Variants in SORBS2 observed in about 807,000 individuals in gnomAD.
SORBS2 encodes the protein sorbin and SH3 domain containing 2, also known as sorbin and SH3 domain-containing protein 2.
SORBS2 carries 46 observed loss-of-function variants against 97.7 expected under a neutral mutation model. That is an observed-to-expected ratio of 0.47 (90% CI 0.37 to 0.60). The LOEUF (loss-of-function observed/expected upper bound fraction) is 0.60, where lower values mean the gene tolerates loss of function less well. Among genes scored for constraint, SORBS2 ranks in the 20% least tolerant of loss-of-function variants. The pLI, the probability that SORBS2 is intolerant of heterozygous loss-of-function variation, is 0.00. For missense variants in SORBS2, 1,316 were observed against 1,282.3 expected, an observed-to-expected ratio of 1.03 and a Z score of -0.40; for synonymous variants, 476 against 473.4, an observed-to-expected ratio of 1.01 and a Z score of -0.07.
chr4:185,659,462 G>C (rs2097475236), upstream of SORBS2, among the ~76,000 whole-genome samples: 1 of 151,548 alleles, frequency 6.6e-6, no homozygotes, highest in Admixed American at 6.6e-5. Context: ...AGTCACCCAG[G>C]CTGGAGTGCA....
At chr4:185,602,288 A>ACC (rs1470411870) in intron 12 of SORBS2, among the ~76,000 whole-genome samples, 21 of 152,246 alleles carry the variant, frequency 1.4e-4, no homozygotes, top group African/African-American at 5.1e-4. Context: ...GATTACAGGC[A>ACC]TGAGCCACCG....
intron 1 of SORBS2, among the ~76,000 whole-genome samples, chr4:185,777,881 TA>T (rs2099007663): frequency 6.6e-6 from 1 of 152,222 alleles, no homozygotes; most frequent in Admixed American, 6.5e-5. Flanking sequence ...ACTTTACCAC[TA>T]TGCAGTCCAT....
At chr4:185,940,120 A>G (rs2099271143) in intron 1 of SORBS2, among the ~76,000 whole-genome samples, 2 of 152,146 alleles carry the variant, frequency 1.3e-5, no homozygotes, top group Admixed American at 1.3e-4. Flanking sequence ...ATGCTTCAGA[A>G]CTGGTCCATG....
chr4:185,909,907 C>G (rs1038535095), intron 1 of SORBS2, among the ~76,000 whole-genome samples: 1 of 151,054 alleles, frequency 6.6e-6, no homozygotes, highest in African/African-American at 2.4e-5. Context: ...TTGCTTGAAC[C>G]CGGGAGGCGG....
intron 7 of SORBS2, among the ~76,000 whole-genome samples, chr4:185,622,537 A>T (rs1215509221): frequency 1.3e-5 from 2 of 152,238 alleles, no homozygotes; most frequent in Non-Finnish European, 2.9e-5. Context: ...TTTAACGTTA[A>T]TATAAACATT....
intron 1 of SORBS2, among the ~76,000 whole-genome samples, chr4:185,796,590 G>A (rs113499949): frequency 0.021 from 964 of 46,982 alleles, 29 homozygotes; most frequent in African/African-American, 0.038. Context: ...GGTCACGGTG[G>A]GGCTGGGCAT....
chr4:185,706,750 TTTATTTTAG>T (rs1434253804), intron 2 of SORBS2, among the ~76,000 whole-genome samples: 2 of 152,318 alleles, frequency 1.3e-5, no homozygotes, highest in Admixed American at 6.5e-5. Context: ...TAAAAGCACA[TTTATTTTAG>T]TTGTTTTAAT....
At chr4:185,754,424 T>C (rs1036935037) in intron 2 of SORBS2, among the ~76,000 whole-genome samples, 2 of 152,158 alleles carry the variant, frequency 1.3e-5, no homozygotes, top group Non-Finnish European at 2.9e-5. Context: ...TAACATGCTA[T>C]CAATCTATCT....
intron 12 of SORBS2, among the ~76,000 whole-genome samples, chr4:185,595,719 C>A (rs2096068314): frequency 6.6e-6 from 1 of 151,612 alleles, no homozygotes; most frequent in Non-Finnish European, 1.5e-5. Context: ...GTTTTCTTAA[C>A]CATTCCTCTC....
chr4:185,686,791 C>A (rs1381008046), intron 2 of SORBS2, among the ~76,000 whole-genome samples: 1 of 152,230 alleles, frequency 6.6e-6, no homozygotes, highest in Non-Finnish European at 1.5e-5. Flanking sequence ...CAGGTTAAAT[C>A]TCTGGTGTTC....
At chr4:185,798,431 G>A (rs2102019) in intron 1 of SORBS2, among the ~76,000 whole-genome samples, 16,850 of 151,850 alleles carry the variant, frequency 0.11, 1,085 homozygotes, top group South Asian at 0.24. Context: ...CTGTATTACC[G>A]TTTTAAACAA....
chr4:185,712,155 T>G (rs778009601), intron 2 of SORBS2, among the ~76,000 whole-genome samples: 1 of 152,142 alleles, frequency 6.6e-6, no homozygotes, highest in Non-Finnish European at 1.5e-5. Context: ...CGCTAAAATG[T>G]TGCCTTTCCT....
At chr4:185,917,794 G>C (rs949184247) in intron 1 of SORBS2, among the ~76,000 whole-genome samples, 1 of 152,084 alleles carries the variant, frequency 6.6e-6, no homozygotes, top group African/African-American at 2.4e-5. Flanking sequence ...CACCCTACTG[G>C]TGTCTGCTGC....
intron 2 of SORBS2, among the ~76,000 whole-genome samples, chr4:185,705,867 T>C (rs971289057): frequency 1.5e-4 from 23 of 152,186 alleles, no homozygotes; most frequent in Non-Finnish European, 3.2e-4. Context: ...TCTGAGTTGC[T>C]ATTGGACATC....
chr4:185,600,530 G>T (rs1235486033), intron 12 of SORBS2, among the ~76,000 whole-genome samples: 1 of 152,102 alleles, frequency 6.6e-6, no homozygotes, highest in Non-Finnish European at 1.5e-5. Flanking sequence ...GTAGAGACAG[G>T]ATTTCACCAT....
chr4:185,698,435 G>T (rs971850459), intron 2 of SORBS2, among the ~76,000 whole-genome samples: 3 of 152,152 alleles, frequency 2.0e-5, no homozygotes, highest in African/African-American at 7.2e-5. Flanking sequence ...GAAGGTTGCA[G>T]TGAGCCGAGA....
chr4:185,886,168 C>A (rs2099239337), intron 1 of SORBS2, among the ~76,000 whole-genome samples: 1 of 152,062 alleles, frequency 6.6e-6, no homozygotes, highest in African/African-American at 2.4e-5. Context: ...CCCGGACTGT[C>A]CAGAGAGGTT....
At chr4:185,596,716 G>A (rs931681941) in intron 12 of SORBS2, among the ~76,000 whole-genome samples, 1 of 151,830 alleles carries the variant, frequency 6.6e-6, no homozygotes, top group African/African-American at 2.4e-5. Flanking sequence ...TGTATTTTTA[G>A]TAGAGACAGG....
At chr4:185,846,626 A>G (rs1161556087) in intron 1 of SORBS2, among the ~76,000 whole-genome samples, 4 of 152,208 alleles carry the variant, frequency 2.6e-5, no homozygotes, top group South Asian at 4.1e-4. Context: ...TGGCAATCCT[A>G]TTGGGAACAA....
Sources: gnomAD v4.1 joint callset for allele counts (sites outside exome capture counted in the v4.1 genomes callset) on GRCh38, gnomAD v4.1.1 for gene constraint, MANE v1.5 for transcripts, NCBI Gene and HGNC (gene_info 2026-07-23, HGNC 2026-07-21) for gene names.